Variants in PCDHGA4 observed in about 807,000 individuals in gnomAD.
The protein encoded by PCDHGA4 is protocadherin gamma-A4.
In PCDHGA4, 38 loss-of-function variants were observed where a neutral mutation model predicts 54.6. The ratio of observed to expected loss-of-function variants is 0.70; its 90% CI spans 0.54 to 0.91. The LOEUF (loss-of-function observed/expected upper bound fraction) is 0.91. Ranked by LOEUF, PCDHGA4 falls within the 40% of genes least tolerant of loss-of-function variation. The pLI is 0.00. For synonymous variants in PCDHGA4, 511 were observed against 512.9 expected, an observed-to-expected ratio of 1.00 and a Z score of 0.05; for missense variants, 1,298 against 1,220.9, an observed-to-expected ratio of 1.06 and a Z score of -0.94.
intron 2 of PCDHGA4, 114 bp from the exon 3 acceptor site, chr5:141,505,279 C>A (rs780513022): frequency 1.3e-6 from 2 of 1,541,274 alleles, no homozygotes; most frequent in Non-Finnish European, 1.7e-6. Flanking sequence ...AGAAACAGGT[C>A]TTGGGCATGG....
intron 2 of PCDHGA4, among the ~76,000 whole-genome samples, chr5:141,497,859 G>A (rs188372194): frequency 2.0e-4 from 31 of 152,134 alleles, no homozygotes; most frequent in Middle Eastern, 6.8e-3. Context: ...TTGATTCAGC[G>A]GCTCCAAAGT....
rs1038145479 is a variant in PCDHGA4 at position 141,408,047 on chromosome 5, A to G, written c.2514+50426A>G. The G allele has an allele frequency of 5.6e-6, 7 of 1,243,316 alleles. No individual in the cohort carries two copies. In the African/African-American group the frequency reaches 1.1e-4, roughly 19 times the overall value. The allele number at this position is 1,243,316 out of a possible 1,614,324, so 77.0% of individuals were successfully genotyped here. On this transcript the variant is annotated intron_variant, in intron 1 of 3. Coordinates refer to ENST00000571252, the MANE Select transcript of PCDHGA4 (RefSeq NM_018917.4). ...GAAAGAAGAAAACCAGCTCCCACAC[A>G]GAGCCTCCCGGCTGCGCAGACCTTT...
At chr5:141,405,326 T>TGC in intron 1 of PCDHGA4, 1 of 1,614,220 alleles carries the variant, frequency 6.2e-7, no homozygotes, top group Non-Finnish European at 8.5e-7. Flanking sequence ...TGAGCCTTTG[T>TGC]GCGTCTCTGT....
intron 2 of PCDHGA4, among the ~76,000 whole-genome samples, chr5:141,502,834 A>G (rs1398558120): frequency 6.7e-6 from 1 of 149,378 alleles, no homozygotes; most frequent in Non-Finnish European, 1.5e-5. Flanking sequence ...GGAAGCCTGG[A>G]CTGGCTGAGC....
At chr5:141,376,287 T>A in intron 1 of PCDHGA4, 1 of 1,614,228 alleles carries the variant, frequency 6.2e-7, no homozygotes, top group Non-Finnish European at 8.5e-7. Flanking sequence ...TTAGCGAGCA[T>A]GCCCGGCTCG....
chr5:141,383,987 G>T, intron 1 of PCDHGA4: 6 of 1,613,730 alleles, frequency 3.7e-6, no homozygotes, highest in Non-Finnish European at 5.1e-6. Flanking sequence ...ACACCTCTTG[G>T]GACAGTCATT....
chr5:141,365,052 T>G (rs1179156267), intron 1 of PCDHGA4: 2 of 1,613,872 alleles, frequency 1.2e-6, no homozygotes, highest in Admixed American at 1.7e-5. Flanking sequence ...AATGCGCCCC[T>G]GTTCACCCCA....
rs140779776 is a variant in PCDHGA4 at position 141,412,904 on chromosome 5, C to T, written c.2514+55283C>T. On this transcript the variant is annotated intron_variant, in intron 1 of 3. Transcript: ENST00000571252. ...CAACAGAATAGTTTACTTTCCATTG[C>T]ATGTATCACTTGGGTGCAGTAACTT... The T allele has an allele frequency of 4.0e-4, 150 of 378,712 alleles. 3 individuals carry two copies. In the East Asian group the frequency reaches 6.1e-3, roughly 15 times the overall value. 23.5% of individuals were successfully genotyped at this position (378,712 alleles called of 1,614,324 possible).
At chr5:141,421,508 A>G (rs780491148) in intron 1 of PCDHGA4, 1 of 1,614,046 alleles carries the variant, frequency 6.2e-7, no homozygotes, top group Non-Finnish European at 8.5e-7. Flanking sequence ...ATAGACCGGG[A>G]GGAGCTCTGT....
chr5:141,427,742 C>T, intron 1 of PCDHGA4: 2 of 1,247,208 alleles, frequency 1.6e-6, no homozygotes, highest in Non-Finnish European at 2.3e-6. Context: ...GCCAAGTCTC[C>T]TACTCCATCG....
intron 1 of PCDHGA4, chr5:141,393,005 C>T: frequency 6.2e-7 from 1 of 1,613,866 alleles, no homozygotes; most frequent in Non-Finnish European, 8.5e-7. Context: ...AGCACGGAGT[C>T]CGTATCGTCT....
chr5:141,490,232 A>G lies in PCDHGA4; in HGVS notation c.2515-4575A>G. 6.2e-7 allele frequency: 1 copy of G among 1,614,216 alleles called. No homozygotes were observed. Among genetic ancestry groups the G allele is most frequent in the Non-Finnish European group, 8.5e-7 (1 of 1,180,032 alleles). ...CGTGACCAGGGACAGCCTGCCATGG[A>G]GGGCCACTGTGTGATTCAAGTGGAT... On this transcript the variant is annotated intron_variant, in intron 1 of 3. Transcript: ENST00000571252. This position sits in a 1 kb window ranked among gnomAD's most constrained non-coding sequence, Gnocchi z 5.4.
chr5:141,481,096 T>C (rs1162625304), intron 1 of PCDHGA4, among the ~76,000 whole-genome samples: 2 of 152,150 alleles, frequency 1.3e-5, no homozygotes, highest in East Asian at 1.9e-4. Flanking sequence ...AAAGCAGTAC[T>C]CTGGAACCTA....
chr5:141,490,846 G>T lies in PCDHGA4; in HGVS notation c.2515-3961G>T. 1 of 1,613,880 alleles carries T rather than the reference G, an allele frequency of 6.2e-7. No individual in the cohort carries two copies. Among genetic ancestry groups the T allele is most frequent in the Non-Finnish European group, 8.5e-7 (1 of 1,179,906 alleles). ...GCAGATGCTGCAGATTGTGGTGGGG[G>T]TTCGAGACTCCGGCTCTCCCCCATT... On this transcript the variant is annotated intron_variant, in intron 1 of 3. Coordinates refer to ENST00000571252, the MANE Select transcript of PCDHGA4 (RefSeq NM_018917.4). This position sits in a 1 kb window ranked among gnomAD's most constrained non-coding sequence, Gnocchi z 5.4.
intron 1 of PCDHGA4, chr5:141,408,475 CCGT>C: frequency 6.2e-7 from 1 of 1,614,032 alleles, no homozygotes; most frequent in Non-Finnish European, 8.5e-7. Context: ...ACCGAATAGA[CCGT>C]GAGCAAATAT....
intron 1 of PCDHGA4, among the ~76,000 whole-genome samples, chr5:141,450,467 T>G (rs997813636): frequency 1.3e-5 from 2 of 151,944 alleles, no homozygotes; most frequent in African/African-American, 2.4e-5. Flanking sequence ...ATTTTATATA[T>G]AGAGTTTGTT....
In PCDHGA4 at chr5:141,491,736, G is replaced by T; in HGVS notation, c.2515-3071G>T. The T allele has an allele frequency of 6.2e-7, 1 of 1,600,560 alleles. No individual in the cohort carries two copies. Among genetic ancestry groups the T allele is most frequent in the Non-Finnish European group, 8.5e-7 (1 of 1,174,270 alleles). ...CGGCGCCGCCCCGGGCGACCCCTGG[G>T]GGCGGCACTGGAGAAGCCGCCCGTC... On this transcript the variant is annotated intron_variant, in intron 1 of 3. Coordinates refer to ENST00000571252, the MANE Select transcript of PCDHGA4 (RefSeq NM_018917.4). This position sits in a 1 kb window ranked among gnomAD's most constrained non-coding sequence, Gnocchi z 6.9.
intron 1 of PCDHGA4, chr5:141,360,147 C>T (rs1381094393): frequency 7.5e-6 from 12 of 1,600,974 alleles, no homozygotes; most frequent in Non-Finnish European, 1.0e-5. Flanking sequence ...TGAAAGCGAG[C>T]TCAGGGAGGT....
At chr5:141,510,334 C>G (rs1463634534) in intron 3 of PCDHGA4, among the ~76,000 whole-genome samples, 1 of 151,448 alleles carries the variant, frequency 6.6e-6, no homozygotes, top group African/African-American at 2.4e-5. Context: ...TCTTCACCCC[C>G]ACCCCACACA....
Sources: allele counts gnomAD v4.1 joint callset (sites outside exome capture counted in the v4.1 genomes callset), GRCh38; gene constraint gnomAD v4.1.1; non-coding constraint Gnocchi (gnomAD v3.1); transcripts MANE v1.5; gene names NCBI Gene and HGNC (gene_info 2026-07-23, HGNC 2026-07-21).